Variants in CCNY observed in about 807,000 individuals in gnomAD.
CCNY encodes cyclin Y, also known as cyclin-Y.
CCNY carries 19 observed loss-of-function variants against 42.8 expected under a neutral mutation model. The ratio of observed to expected loss-of-function variants is 0.44; its 90% CI spans 0.31 to 0.65. CCNY has a LOEUF of 0.65. CCNY is among the 30% of genes least tolerant of loss of function. The probability of loss-of-function intolerance (pLI) is 0.07; values close to 1 mark genes in which losing one functional copy is unlikely to be tolerated. For missense variants in CCNY, 370 were observed against 437.3 expected, an observed-to-expected ratio of 0.85 and a Z score of 1.37; for synonymous variants, 165 against 162.7, an observed-to-expected ratio of 1.01 and a Z score of -0.11.
rs114221439 is a variant in CCNY, at chr10:35,507,748, C to T, written c.264+6213C>T. On this transcript the variant is annotated intron_variant, in intron 3 of 9. Transcript: ENST00000374704. ...AATCTGGAGCAGATTCTCAGCCTTT[C>T]TCAGTCTTTCAGGACATTGACACTG... is the stretch of plus-strand genomic sequence containing the variant. Among the ~76,000 whole-genome samples the T allele has an allele frequency of 3.0e-3, 453 of 151,038 alleles. 1 individual carries two copies. The highest frequency in any genetic ancestry group is 0.01 in the African/African-American group (428 of 41,164).
At chr10:35,296,525 G>A (rs1251300040) in intron 3 of CCNY, among the ~76,000 whole-genome samples, 1 of 152,164 alleles carries the variant, frequency 6.6e-6, no homozygotes, top group Non-Finnish European at 1.5e-5. Flanking sequence ...AGGTTGCAGT[G>A]AGCCAAGATC....
intron 2 of CCNY, among the ~76,000 whole-genome samples, chr10:35,501,208 C>G (rs1009285766): frequency 1.3e-5 from 2 of 152,094 alleles, no homozygotes; most frequent in Admixed American, 6.5e-5. Context: ...ATGAGGGTTA[C>G]TAATTACTTT....
At chr10:35,426,111 GCACACACACACACA>G (rs1055933724) in intron 1 of CCNY, among the ~76,000 whole-genome samples, 10 of 80,466 alleles carry the variant, frequency 1.2e-4, no homozygotes, top group African/African-American at 5.3e-4. Flanking sequence ...TCCAGCACGC[GCACACACACACACA>G]CACACACACA....
At chr10:35,385,019 C>G (rs1195336848) in intron 1 of CCNY, among the ~76,000 whole-genome samples, 3 of 152,142 alleles carry the variant, frequency 2.0e-5, no homozygotes, top group Non-Finnish European at 4.4e-5. Flanking sequence ...GATTAATGCA[C>G]AATGTCAGAT....
intron 3 of CCNY, among the ~76,000 whole-genome samples, chr10:35,325,378 A>T (rs1279455437): frequency 6.6e-6 from 1 of 151,612 alleles, no homozygotes; most frequent in Non-Finnish European, 1.5e-5. Context: ...GGGTTTCACC[A>T]CGTTGGCCAG....
At chr10:35,394,819 A>G (rs1457612255) in intron 1 of CCNY, 1 of 984,458 alleles carries the variant, frequency 1.0e-6, no homozygotes, top group African/African-American at 1.8e-5. Context: ...TGTTTAGGTG[A>G]CCCCAGTGGC....
chr10:35,555,760 G>A (rs1268334218), intron 8 of CCNY, among the ~76,000 whole-genome samples: 3 of 152,162 alleles, frequency 2.0e-5, no homozygotes, highest in Admixed American at 2.0e-4. Flanking sequence ...TCTACACAGA[G>A]AAGTTAAAAC....
chr10:35,279,366 A>G (rs912231278), intron 3 of CCNY, among the ~76,000 whole-genome samples: 4 of 152,076 alleles, frequency 2.6e-5, no homozygotes, highest in African/African-American at 9.7e-5. Flanking sequence ...CACCTGCCTC[A>G]GCCTCCCAAA....
chr10:35,426,009 C>T (rs551229490), intron 1 of CCNY, among the ~76,000 whole-genome samples: 67 of 151,950 alleles, frequency 4.4e-4, no homozygotes, highest in Non-Finnish European at 4.9e-4. Context: ...TGAATCCTGG[C>T]CATAGCCAGC....
intron 1 of CCNY, among the ~76,000 whole-genome samples, chr10:35,466,803 C>T (rs780954386): frequency 6.6e-5 from 10 of 152,180 alleles, no homozygotes; most frequent in South Asian, 2.1e-4. Context: ...GACAGGGTCT[C>T]GCTCTGTCAC....
chr10:35,339,932 GA>G (rs539915248), intron 1 of CCNY, among the ~76,000 whole-genome samples: 131 of 152,182 alleles, frequency 8.6e-4, no homozygotes, highest in African/African-American at 2.8e-3. Flanking sequence ...CAGAGATTGA[GA>G]AAAAACAGCA....
chr10:35,331,820 T>C (rs536520257), upstream of CCNY, among the ~76,000 whole-genome samples: 1 of 152,358 alleles, frequency 6.6e-6, no homozygotes, highest in South Asian at 2.1e-4. Context: ...TAAATGTAGG[T>C]ATTTATAGGC....
intron 7 of CCNY, among the ~76,000 whole-genome samples, chr10:35,536,365 T>C (rs897930862): frequency 4.6e-5 from 7 of 152,138 alleles, no homozygotes; most frequent in Middle Eastern, 3.2e-3. Context: ...TTATCATCAG[T>C]GTGAAAATGG....
chr10:35,424,351 C>T (rs1838221663), intron 1 of CCNY, among the ~76,000 whole-genome samples: 2 of 152,192 alleles, frequency 1.3e-5, no homozygotes, highest in Non-Finnish European at 2.9e-5. Context: ...CTCAACCTCC[C>T]AAGTAGCTGG....
chr10:35,530,186 C>T lies in CCNY; in HGVS notation c.522C>T (p.Phe174=), dbSNP rs762132448. The T allele has an allele frequency of 1.7e-5, 27 of 1,614,096 alleles. No individual in the cohort carries two copies. In the Admixed American group the frequency reaches 2.3e-4, roughly 14 times the overall value. The change falls in exon 7 of 10, where the codon TTC becomes TTT. Residue 174 remains phenylalanine, a synonymous_variant. Coordinates refer to ENST00000374704, the MANE Select transcript of CCNY (RefSeq NM_145012.6). The surrounding 1 kb of genome is among the most constrained non-coding windows in gnomAD (Gnocchi z 4.3). ...HNPEQKQIYR[F]VRTLFSAAQL... is the part of the protein sequence containing the mutation. ...CAGAGCAGAAGCAGATTTACCGGTT[C>T]GTTCGGACACTGTTCAGTGCTGCTC...
intron 7 of CCNY, among the ~76,000 whole-genome samples, chr10:35,549,738 C>T (rs1841207027): frequency 1.4e-5 from 2 of 143,126 alleles, no homozygotes; most frequent in Non-Finnish European, 1.5e-5. Flanking sequence ...CTGCTCATGG[C>T]CCATGACCCT....
chr10:35,248,716 G>A lies in CCNY; in HGVS notation c.-114+505G>A, dbSNP rs1354977131. Among the ~76,000 whole-genome samples, 2 of 152,226 alleles carry A rather than the reference G, an allele frequency of 1.3e-5. 1 individual carries two copies. Among genetic ancestry groups the A allele is most frequent in the Admixed American group, 1.3e-4 (2 of 15,280 alleles). Reference sequence around the variant, plus strand: ...GCTGGGTGCAGTGTGGCTCAAACCTGTAATCCCAGCACTTCGGGAGGCCAA... The same window carrying A: ...GCTGGGTGCAGTGTGGCTCAAACCTATAATCCCAGCACTTCGGGAGGCCAA... On this transcript the variant is annotated intron_variant, in intron 2 of 11. Transcript: ENST00000374706.
intron 3 of CCNY, among the ~76,000 whole-genome samples, chr10:35,330,263 G>A (rs927710244): frequency 2.2e-4 from 34 of 152,230 alleles, no homozygotes; most frequent in African/African-American, 7.7e-4. Context: ...TACTGAAGAA[G>A]TGCTGTATTA....
chr10:35,418,684 A>G (rs12781305), intron 1 of CCNY, among the ~76,000 whole-genome samples: 1 of 152,066 alleles, frequency 6.6e-6, no homozygotes, highest in Non-Finnish European at 1.5e-5. Flanking sequence ...TAGAGCGAGC[A>G]CAGCCTAGCA....
Sources: gnomAD v4.1 joint callset for allele counts (sites outside exome capture counted in the v4.1 genomes callset) on GRCh38, gnomAD v4.1.1 for gene constraint, Gnocchi (gnomAD v3.1) non-coding constraint, MANE v1.5 for transcripts, NCBI Gene and HGNC (gene_info 2026-07-23, HGNC 2026-07-21) for gene names.